Variants in IGSF9B observed in about 807,000 individuals in gnomAD.
IGSF9B encodes the protein immunoglobulin superfamily member 9B.
Under a neutral mutation model 143.7 loss-of-function variants are expected in IGSF9B, and 48 were observed. The ratio of observed to expected loss-of-function variants is 0.33; its 90% CI spans 0.26 to 0.42. The LOEUF (loss-of-function observed/expected upper bound fraction) is 0.42, where lower values mean the gene tolerates loss of function less well. IGSF9B is among the 20% of genes least tolerant of loss of function. The probability of loss-of-function intolerance (pLI) is 1.00; values close to 1 mark genes in which losing one functional copy is unlikely to be tolerated. For missense variants in IGSF9B, 1,706 were observed against 1,980.0 expected (o/e 0.86, Z 2.63); for synonymous variants, 903 against 833.1 (o/e 1.08, Z -1.44).
chr11:133,944,474 A>G, intron 2 of IGSF9B, 108 bp from the exon 3 acceptor site: 1 of 1,173,780 alleles, frequency 8.5e-7, no homozygotes, highest in Non-Finnish European at 1.2e-6. Context: ...TCTTCATACC[A>G]TTCCCTATGG....
At position 133,899,406 on chromosome 11, in the gene IGSF9B, C is replaced by T. The variant is rs1007211841; in HGVS notation, c.*9663G>A. 6.6e-6 allele frequency: 1 copy of T among 152,472 alleles called. No individual in the cohort carries two copies. Among genetic ancestry groups the T allele is most frequent in the Non-Finnish European group, 1.5e-5 (1 of 68,196 alleles). 9.4% of individuals were successfully genotyped at this position (152,472 alleles called of 1,614,324 possible). A position where few individuals can be genotyped will look rare whatever the true frequency, so the allele number is the denominator to read the frequency against. ...TCCCCTCTGACACCCAACCTTACCT[C>T]ATCTTGCTGAGCAGTGGAGCAGAAA... On this transcript the variant is annotated 3_prime_UTR_variant, in exon 20 of 20. Coordinates refer to ENST00000533871, the MANE Select transcript of IGSF9B (RefSeq NM_001277285.4).
Position 133,903,886 on chromosome 11 carries a change from C to T in IGSF9B, c.*5183G>A, listed in dbSNP as rs947160937. Among the ~76,000 whole-genome samples, 3 of 152,170 alleles carry T rather than the reference C, an allele frequency of 2.0e-5. No homozygotes were observed. The highest frequency in any genetic ancestry group is 4.4e-5 in the Non-Finnish European group (3 of 68,042). On this transcript the variant is annotated 3_prime_UTR_variant, in exon 20 of 20. Transcript: ENST00000533871. ...GCTGGTAAGAGTGCGAAAGTCCAAT[C>T]TGGGCTTTGATCCTTGGTTTACTGA... is the stretch of plus-strand genomic sequence containing the variant.
At position 133,911,958 on chromosome 11, in the gene IGSF9B, C is replaced by T. The variant is rs1055091669; in HGVS notation, c.4033G>A (p.Ala1345Thr). The change falls in exon 19 of 20, where the codon GCT becomes ACT. Residue 1345 changes from alanine to threonine, a missense_variant. By Grantham distance (58) the Ala-to-Thr change is moderately conservative. This residue lies in a region of IGSF9B where 880 missense variants were observed against 762.9 expected (regional missense o/e 1.15). Coordinates refer to ENST00000533871, the MANE Select transcript of IGSF9B (RefSeq NM_001277285.4). The stretch of plus-strand genomic sequence containing the variant: ...TTCTTTATCCGTTGGTATTTCAGAG[C>T]CTCCAGCCTCTCAGGCGCAGCAGCG... ...GNAAAPERLE[A>T]LKYQRIKKPK... 13 of 1,534,828 alleles carry T rather than the reference C, an allele frequency of 8.5e-6. No homozygotes were observed. The highest frequency in any genetic ancestry group is 1.1e-5 in the Non-Finnish European group (13 of 1,146,488).
At position 133,903,814 on chromosome 11, in the gene IGSF9B, G is replaced by A. The variant is rs995502509; in HGVS notation, c.*5255C>T. 4.6e-5 allele frequency among the ~76,000 whole-genome samples: 7 copies of A among 152,268 alleles called. No homozygotes were observed. Among genetic ancestry groups the A allele is most frequent in the Admixed American group, 1.3e-4 (2 of 15,304 alleles). ...GCTCTGAACCAGTGTGGATTCACTC[G>A]CAGTCAGAGGGAAGGGTGGTGATTG... On this transcript the variant is annotated 3_prime_UTR_variant, in exon 20 of 20. Coordinates refer to ENST00000533871, the MANE Select transcript of IGSF9B (RefSeq NM_001277285.4).
Position 133,902,554 on chromosome 11 carries a change from T to C in IGSF9B, c.*6515A>G, listed in dbSNP as rs1056299120. Among the ~76,000 whole-genome samples, 16 of 110,376 alleles carry C rather than the reference T, an allele frequency of 1.4e-4. No individual in the cohort carries two copies. Among genetic ancestry groups the C allele is most frequent in the South Asian group, 3.4e-4 (1 of 2,966 alleles). 72.4% of individuals were successfully genotyped at this position (110,376 alleles called of 152,430 possible). On this transcript the variant is annotated 3_prime_UTR_variant, in exon 20 of 20. Coordinates refer to ENST00000533871, the MANE Select transcript of IGSF9B (RefSeq NM_001277285.4). Reference sequence around the variant, plus strand: ...ACACACATATACCACACACACCACATACACACACACACCCCACACACACAC... The same window carrying C: ...ACACACATATACCACACACACCACACACACACACACACCCCACACACACAC...
rs2121305995 is a variant in IGSF9B, at chr11:133,928,895, T to C, written c.1631+776A>G. ...GAAACACATGGTCCTAGAGAGAAAA[T>C]GCAGGGGCTGACCCCAAGGCTGGGA... On this transcript the variant is annotated intron_variant, in intron 12 of 19. Transcript: ENST00000533871. The surrounding 1 kb of genome is among the most constrained non-coding windows in gnomAD (Gnocchi z 4.7). Among the ~76,000 whole-genome samples, 1 of 152,208 alleles carries C rather than the reference T, an allele frequency of 6.6e-6. No individual in the cohort carries two copies. The highest frequency in any genetic ancestry group is 1.9e-4 in the East Asian group (1 of 5,172).
At position 133,904,947 on chromosome 11, in the gene IGSF9B, T is replaced by C. The variant is rs1209833723; in HGVS notation, c.*4122A>G. On this transcript the variant is annotated 3_prime_UTR_variant, in exon 20 of 20. Transcript: ENST00000533871. ...CACAGCCACATGGGGCTCTACACACTGCCTACTAGATCCACTTTATATGAA... is the reference window on the plus strand; with the variant it reads ...CACAGCCACATGGGGCTCTACACACCGCCTACTAGATCCACTTTATATGAA... 6.7e-6 allele frequency among the ~76,000 whole-genome samples: 1 copy of C among 149,700 alleles called. No homozygotes were observed. Among genetic ancestry groups the C allele is most frequent in the Non-Finnish European group, 1.5e-5 (1 of 67,602 alleles).
intron 7 of IGSF9B, among the ~76,000 whole-genome samples, chr11:133,934,346 G>A (rs926588958): frequency 3.1e-4 from 47 of 152,328 alleles, no homozygotes; most frequent in Admixed American, 2.9e-3. Flanking sequence ...ACAGAGGGAC[G>A]GGGCGCACCT....
intron 19 of IGSF9B, among the ~76,000 whole-genome samples, chr11:133,910,136 TTCTGGTTACGATGGGAA>T (rs1267950629): frequency 6.6e-6 from 1 of 152,114 alleles, no homozygotes; most frequent in South Asian, 2.1e-4. Flanking sequence ...TTGAAATCTG[TTCTGGTTACGATGGGAA>T]TCTGGTTACG....
chr11:133,917,257 T>C (rs1939404817), intron 18 of IGSF9B, among the ~76,000 whole-genome samples: 1 of 152,022 alleles, frequency 6.6e-6, no homozygotes, highest in Admixed American at 6.5e-5. Flanking sequence ...CAGGCTACTG[T>C]GAGAGGGAGC....
Position 133,931,118 on chromosome 11 carries a change from CT to C in IGSF9B, c.1384del (p.Arg462GlufsTer17). 6.2e-7 allele frequency: 1 copy of C among 1,612,828 alleles called. No homozygotes were observed. Among genetic ancestry groups the C allele is most frequent in the Non-Finnish European group, 8.5e-7 (1 of 1,179,246 alleles). On this transcript the variant is annotated frameshift_variant, in exon 11 of 20. Coordinates refer to ENST00000533871, the MANE Select transcript of IGSF9B (RefSeq NM_001277285.4). LOFTEE classifies it high-confidence loss of function. The surrounding 1 kb of genome is among the most constrained non-coding windows in gnomAD (Gnocchi z 7.7). ...ACTGGGCAGGGCACTGTGCTTGCTT[CT>C]GCTGGGCTTCCCTACCTTGGTGAAC... The part of the protein sequence containing the change: ...ITWRKVGKPS[R>X]SKHSALPSGS...
intron 7 of IGSF9B, among the ~76,000 whole-genome samples, chr11:133,933,215 T>G (rs1230971323): frequency 6.6e-6 from 1 of 152,188 alleles, no homozygotes; most frequent in Admixed American, 6.5e-5. Context: ...GTCCTCTCAA[T>G]GTCCATTTCT....
intron 12 of IGSF9B, among the ~76,000 whole-genome samples, 154 bp from the exon 13 acceptor site, chr11:133,927,245 G>A (rs1234101542): frequency 2.0e-5 from 3 of 152,274 alleles, no homozygotes. Context: ...CAGAGTGGAT[G>A]CCCTGCCCAG....
At chr11:133,955,007 G>A (rs1359990498) in intron 1 of IGSF9B, among the ~76,000 whole-genome samples, 1 of 152,192 alleles carries the variant, frequency 6.6e-6, no homozygotes, top group African/African-American at 2.4e-5. Flanking sequence ...GAAGTCCATT[G>A]CCCACCCTGA....
chr11:133,912,521 C>T (rs796408258), intron 18 of IGSF9B, among the ~76,000 whole-genome samples: 30 of 152,274 alleles, frequency 2.0e-4, no homozygotes, highest in African/African-American at 6.0e-4. Flanking sequence ...TGCACAAAAC[C>T]CAGCCTTGCC....
chr11:133,932,143 G>A lies in IGSF9B; in HGVS notation c.1038C>T (p.Cys346=). The change falls in exon 8 of 20, where the codon TGC becomes TGT. Residue 346 remains cysteine, a synonymous_variant. Transcript: ENST00000533871. ...VPVGIHGYIR[C]PVDAEPPATV... ...TGGCCGGTGGTTCTGCGTCCACAGGGCAGCGGATGTAGCCATGGATCCCCA... is the reference window on the plus strand; with the variant it reads ...TGGCCGGTGGTTCTGCGTCCACAGGACAGCGGATGTAGCCATGGATCCCCA... The A allele has an allele frequency of 1.4e-5, 22 of 1,612,438 alleles. No homozygotes were observed. The highest frequency in any genetic ancestry group is 1.9e-5 in the Non-Finnish European group (22 of 1,179,254).
Position 133,905,318 on chromosome 11 carries a change from T to G in IGSF9B, c.*3751A>C, listed in dbSNP as rs1939194549. 6.6e-6 allele frequency among the ~76,000 whole-genome samples: 1 copy of G among 151,976 alleles called. No homozygotes were observed. Among genetic ancestry groups the G allele is most frequent in the Admixed American group, 6.5e-5 (1 of 15,270 alleles). ...ATTCCAGCCACGCAGTCTTCAGCCC[T>G]GGAGATTCAGATCGTGGGCAGTGCC... On this transcript the variant is annotated 3_prime_UTR_variant, in exon 20 of 20. Coordinates refer to ENST00000533871, the MANE Select transcript of IGSF9B (RefSeq NM_001277285.4). This position sits in a 1 kb window ranked among gnomAD's most constrained non-coding sequence, Gnocchi z 4.0.
intron 5 of IGSF9B, among the ~76,000 whole-genome samples, chr11:133,936,753 C>T (rs1939831542): frequency 6.6e-6 from 1 of 152,212 alleles, no homozygotes; most frequent in Non-Finnish European, 1.5e-5. Flanking sequence ...CAGCCGCCAC[C>T]AACCCCCACA....
In IGSF9B at chr11:133,898,517, G is replaced by T. The variant is rs1939060410; in HGVS notation, c.*10552C>A. The T allele has an allele frequency of 6.5e-6, 1 of 154,350 alleles. No homozygotes were observed. The highest frequency in any genetic ancestry group is 1.5e-5 in the Non-Finnish European group (1 of 68,236). 9.6% of individuals were successfully genotyped at this position (154,350 alleles called of 1,614,324 possible). On this transcript the variant is annotated 3_prime_UTR_variant, in exon 20 of 20. Transcript: ENST00000533871. ...GAAAAACACTGAAGACCAAGGGGCA[G>T]GAGTCACTGACATGAAGCGGGATGT... is the stretch of plus-strand genomic sequence containing the variant.
Sources: allele counts gnomAD v4.1 joint callset (sites outside exome capture counted in the v4.1 genomes callset), GRCh38; gene constraint gnomAD v4.1.1; regional missense constraint gnomAD v4.1.1; non-coding constraint Gnocchi (gnomAD v3.1); transcripts MANE v1.5; gene names NCBI Gene and HGNC (gene_info 2026-07-23, HGNC 2026-07-21).